Variants in SAMMSON observed in about 807,000 individuals in gnomAD.
SAMMSON encodes the protein long intergenic non-protein coding RNA 1212.
rs77332556 is a variant in SAMMSON, at chr3:70,093,101, T to C, written n.507+21536T>C. On this transcript the variant is annotated intron_variant and non_coding_transcript_variant, in intron 4 of 9. Coordinates refer to ENST00000642114, the Ensembl canonical transcript of SAMMSON. ...ATATTTCAAACCCTTGCTTGTTTCA[T>C]GTCTCTTCCACAACAATGTGAGCTT... Among the ~76,000 whole-genome samples, 1,044 of 152,232 alleles carry C rather than the reference T, an allele frequency of 6.9e-3. 7 individuals are homozygous for C. Among genetic ancestry groups the C allele is most frequent in the African/African-American group, 0.022 (910 of 41,548 alleles).
intron 7 of SAMMSON, among the ~76,000 whole-genome samples, chr3:70,337,708 A>T (rs2106726643): frequency 6.6e-6 from 1 of 152,084 alleles, no homozygotes; most frequent in Admixed American, 6.6e-5. Flanking sequence ...CATTTTATAA[A>T]TTGATCATAA....
intron 4 of SAMMSON, among the ~76,000 whole-genome samples, chr3:70,077,682 G>A (rs1222085141): frequency 6.6e-6 from 1 of 152,026 alleles, no homozygotes; most frequent in Admixed American, 6.6e-5. Flanking sequence ...CGTAAATTTT[G>A]TTTTCCCATG....
intron 7 of SAMMSON, among the ~76,000 whole-genome samples, chr3:70,295,264 T>A (rs915408918): frequency 6.6e-6 from 1 of 152,164 alleles, no homozygotes; most frequent in Non-Finnish European, 1.5e-5. Context: ...CCATTATGAT[T>A]TTTTATTTAT....
At chr3:70,261,364 T>C (rs1701864559) in intron 6 of SAMMSON, among the ~76,000 whole-genome samples, 1 of 152,226 alleles carries the variant, frequency 6.6e-6, no homozygotes, top group African/African-American at 2.4e-5. Context: ...AAAAAGTTGA[T>C]GTGAACATGC....
intron 3 of SAMMSON, among the ~76,000 whole-genome samples, chr3:70,018,423 G>T (rs1192020274): frequency 3.9e-5 from 6 of 152,190 alleles, no homozygotes; most frequent in Non-Finnish European, 5.9e-5. Flanking sequence ...GATCGGTGGT[G>T]ATATCCCCTG....
chr3:70,115,292 C>A (rs1456280158), intron 4 of SAMMSON, among the ~76,000 whole-genome samples: 1 of 151,262 alleles, frequency 6.6e-6, no homozygotes, highest in African/African-American at 2.4e-5. Flanking sequence ...TTGGCTGAGT[C>A]AGAATTTGAA....
chr3:70,369,029 A>T (rs540004143), intron 9 of SAMMSON, among the ~76,000 whole-genome samples: 2 of 151,704 alleles, frequency 1.3e-5, no homozygotes, highest in South Asian at 4.1e-4. Context: ...TGATTTTTTT[A>T]AATTAAAGTT....
At chr3:70,110,132 T>C (rs1157743185) in intron 4 of SAMMSON, among the ~76,000 whole-genome samples, 1 of 152,198 alleles carries the variant, frequency 6.6e-6, no homozygotes, top group Non-Finnish European at 1.5e-5. Context: ...CACAGAAAAC[T>C]TTCTTTGAGG....
chr3:70,104,265 G>T (rs951230465), intron 4 of SAMMSON, among the ~76,000 whole-genome samples: 36 of 140,314 alleles, frequency 2.6e-4, no homozygotes, highest in African/African-American at 9.0e-4. Flanking sequence ...AAAACCTCGT[G>T]TTTTTTTTTT....
intron 4 of SAMMSON, among the ~76,000 whole-genome samples, chr3:70,110,973 G>A (rs1007147491): frequency 1.2e-4 from 18 of 152,252 alleles, no homozygotes; most frequent in Admixed American, 3.3e-4. Flanking sequence ...ATTTACTCAC[G>A]ATGCTCCTGG....
chr3:70,358,614 A>G (rs1373547616), intron 9 of SAMMSON, among the ~76,000 whole-genome samples: 1 of 152,170 alleles, frequency 6.6e-6, no homozygotes, highest in Non-Finnish European at 1.5e-5. Flanking sequence ...GTTAGAAATG[A>G]GCATTCTGTG....
At chr3:70,149,894 A>G (rs2067564263) in intron 4 of SAMMSON, among the ~76,000 whole-genome samples, 1 of 152,038 alleles carries the variant, frequency 6.6e-6, no homozygotes, top group Non-Finnish European at 1.5e-5. Flanking sequence ...ACCCAAACAT[A>G]CACTACTCTT....
intron 4 of SAMMSON, chr3:70,204,758 A>G (rs1701274769): frequency 6.6e-6 from 1 of 151,552 alleles, no homozygotes; most frequent in Non-Finnish European, 1.5e-5. Context: ...GTGTCATGCT[A>G]GTTGGCTTGG....
intron 3 of SAMMSON, among the ~76,000 whole-genome samples, chr3:70,063,540 G>A (rs2067198484): frequency 6.6e-6 from 1 of 151,992 alleles, no homozygotes; most frequent in Non-Finnish European, 1.5e-5. Flanking sequence ...TGCAAACATA[G>A]CTGCAAAGAA....
chr3:70,312,100 C>G (rs1351963150), intron 7 of SAMMSON: 1 of 389,694 alleles, frequency 2.6e-6, no homozygotes, highest in East Asian at 3.6e-5. Flanking sequence ...TTTCAGTTCA[C>G]TGTCCAATGT....
chr3:70,254,453 G>A (rs921152304), intron 6 of SAMMSON, among the ~76,000 whole-genome samples: 1 of 152,040 alleles, frequency 6.6e-6, no homozygotes, highest in Admixed American at 6.6e-5. Flanking sequence ...AGACACAAAG[G>A]GCGTAAAAGA....
At chr3:70,226,945 T>G (rs1330909687) in intron 4 of SAMMSON, among the ~76,000 whole-genome samples, 1 of 152,172 alleles carries the variant, frequency 6.6e-6, no homozygotes, top group Non-Finnish European at 1.5e-5. Flanking sequence ...GATTTTTTAT[T>G]TTAGCCTATA....
At chr3:70,222,254 TG>T (rs1701466895) in intron 4 of SAMMSON, among the ~76,000 whole-genome samples, 1 of 152,298 alleles carries the variant, frequency 6.6e-6, no homozygotes, top group East Asian at 1.9e-4. Context: ...TACTTGCTTT[TG>T]GCAACTGGAG....
intron 4 of SAMMSON, among the ~76,000 whole-genome samples, chr3:70,144,104 A>G (rs1052688861): frequency 6.6e-6 from 1 of 152,136 alleles, no homozygotes; most frequent in East Asian, 1.9e-4. Context: ...GAACTCATCA[A>G]AAAATATTTG....
Sources: allele counts gnomAD v4.1 joint callset (sites outside exome capture counted in the v4.1 genomes callset), GRCh38; gene constraint gnomAD v4.1.1; transcripts MANE v1.5; gene names NCBI Gene and HGNC (gene_info 2026-07-23, HGNC 2026-07-21).